KLRB1: variants seen among roughly 807,000 people sequenced by gnomAD.
KLRB1 encodes killer cell lectin like receptor B1.
In KLRB1, 27 loss-of-function variants were observed where a neutral mutation model predicts 33.5. That is an observed-to-expected ratio of 0.81 (90% CI 0.59 to 1.11). The LOEUF (loss-of-function observed/expected upper bound fraction) is 1.11. Among genes scored for constraint, KLRB1 ranks in the 50% most tolerant of loss-of-function variants. The probability of loss-of-function intolerance (pLI) is 0.00; values close to 1 mark genes in which losing one functional copy is unlikely to be tolerated. For synonymous variants in KLRB1, 64 were observed against 88.9 expected, an observed-to-expected ratio of 0.72 and a Z score of 1.58; for missense variants, 241 against 254.1, an observed-to-expected ratio of 0.95 and a Z score of 0.35.
rs1864483120 is a variant in KLRB1 at position 9,595,337 on chromosome 12, T to A, written c.615A>T (p.Glu205Asp). Residue 205 changes from glutamate (E) to aspartate (D), a missense_variant, in exon 6 of 6, where the codon GAA becomes GAT. Physicochemically the swap from Glu to Asp is conservative, Grantham distance 45. Coordinates refer to ENST00000229402, the MANE Select transcript of KLRB1 (RefSeq NM_002258.3). ...GTTCTTTTTGGCAGATCCATCTGAT[T>A]TCTGTACTACAGTACTCAGAATACA... Reference protein sequence around the residue: ...TSVYSEYCSTEIRWICQKELT... With the variant: ...TSVYSEYCSTDIRWICQKELT... The A allele has an allele frequency of 6.2e-7, 1 of 1,613,226 alleles. No homozygotes were observed. Among genetic ancestry groups the A allele is most frequent in the Admixed American group, 1.7e-5 (1 of 59,988 alleles).
chr12:9,607,266 C>CTTTTTTT (rs71045273), intron 1 of KLRB1, among the ~76,000 whole-genome samples: 2 of 127,072 alleles, frequency 1.6e-5, no homozygotes, highest in African/African-American at 5.7e-5. Flanking sequence ...TTCTTTCTTT[C>CTTTTTTT]CTTTCCTTTC....
rs757628844 is a variant in KLRB1 at position 9,595,259 on chromosome 12, A to T, written c.*15T>A. 15 of 1,611,050 alleles carry T rather than the reference A, an allele frequency of 9.3e-6. No individual in the cohort carries two copies. The highest frequency in any genetic ancestry group is 1.3e-5 in the African/African-American group (1 of 74,824). ...TCAGTAATGGGAAGCAAATAAATTG[A>T]GATGGGATTCATAGTCAAGAGTCAG... On this transcript the variant is annotated 3_prime_UTR_variant, in exon 6 of 6. Coordinates refer to ENST00000229402, the MANE Select transcript of KLRB1 (RefSeq NM_002258.3).
chr12:9,603,926 G>A (rs778664430), intron 1 of KLRB1, among the ~76,000 whole-genome samples: 3 of 152,014 alleles, frequency 2.0e-5, no homozygotes, highest in Non-Finnish European at 2.9e-5. Context: ...ATTTTGGAGA[G>A]GATTATATGA....
chr12:9,605,863 C>T (rs762602264), intron 1 of KLRB1, among the ~76,000 whole-genome samples: 2 of 152,044 alleles, frequency 1.3e-5, no homozygotes, highest in East Asian at 3.9e-4. Context: ...TATTACAATC[C>T]AAGTAGAAAA....
At position 9,607,309 on chromosome 12, in the gene KLRB1, CTT is replaced by C. The variant is rs71045275; in HGVS notation, c.85+444_85+445del. Among the ~76,000 whole-genome samples the C allele has an allele frequency of 6.5e-4, 77 of 117,560 alleles. 7 individuals are homozygous for C. Among genetic ancestry groups the C allele is most frequent in the African/African-American group, 2.1e-3 (69 of 32,970 alleles). The allele number at this position is 117,560 out of a possible 152,430, so 77.1% of individuals were successfully genotyped here. A position where few individuals can be genotyped will look rare whatever the true frequency, so the allele number is the denominator to read the frequency against. On this transcript the variant is annotated intron_variant, in intron 1 of 5. Transcript: ENST00000229402. ...TTCTTTTTCTTTCTCTCCTTTCTTT[CTT>C]TCTTCTTTTCTTTCTCTTTCTTTCC...
At chr12:9,597,913 G>A in intron 5 of KLRB1, 133 bp downstream of exon 5, 1 of 566,546 alleles carries the variant, frequency 1.8e-6, no homozygotes, top group Non-Finnish European at 3.1e-6. Context: ...AATCATCCAT[G>A]TTCTTAGCCT....
chr12:9,607,373 T>TTTCTTTC, intron 1 of KLRB1, among the ~76,000 whole-genome samples: 1 of 95,058 alleles, frequency 1.1e-5, no homozygotes, highest in African/African-American at 3.3e-5. Context: ...TCTTTCTTTC[T>TTTCTTTC]TTCTTTCTTT....
chr12:9,599,021 A>T (rs1283655993), intron 3 of KLRB1, among the ~76,000 whole-genome samples: 1 of 152,246 alleles, frequency 6.6e-6, no homozygotes, highest in Non-Finnish European at 1.5e-5. Flanking sequence ...CCTTAAATTC[A>T]TCACCAGTGC....
At chr12:9,606,263 T>A (rs1254577051) in intron 1 of KLRB1, 2 of 152,168 alleles carry the variant, frequency 1.3e-5, no homozygotes, top group African/African-American at 2.4e-5. Flanking sequence ...GATAGTAAAT[T>A]CAGTTAGATA....
chr12:9,606,869 A>C (rs4763675), intron 1 of KLRB1, among the ~76,000 whole-genome samples: 50,378 of 147,972 alleles, frequency 0.34, 10,208 homozygotes, highest in East Asian at 0.53. Flanking sequence ...CAATCCTCTC[A>C]CCTCAGCCTC....
chr12:9,603,879 T>A (rs1488222753), intron 1 of KLRB1, among the ~76,000 whole-genome samples: 1 of 152,180 alleles, frequency 6.6e-6, no homozygotes, highest in East Asian at 1.9e-4. Flanking sequence ...ACAGATTTCC[T>A]CATCTGTGAA....
chr12:9,607,309 CTTTCTTCTTTTCTT>C (rs1864618766), intron 1 of KLRB1, among the ~76,000 whole-genome samples: 1 of 117,482 alleles, frequency 8.5e-6, no homozygotes, highest in African/African-American at 3.0e-5. Flanking sequence ...TCCTTTCTTT[CTTTCTTCTTTTCTT>C]TCTCTTTCTT....
rs1353413853 is a variant in KLRB1 at position 9,599,801 on chromosome 12, A to G, written c.225T>C (p.Ser75=). ...TATTCCTGCTCTGTTGAATGTCCACACTGCATTTTTCTATTGATGATTTCT... is the reference window on the plus strand; with the variant it reads ...TATTCCTGCTCTGTTGAATGTCCACGCTGCATTTTTCTATTGATGATTTCT... The part of the protein sequence containing the change: ...LIQKSSIEKC[S]VDIQQSRNKT... Residue 75 remains serine, a synonymous_variant, in exon 3 of 6, where the codon AGT becomes AGC. Coordinates refer to ENST00000229402, the MANE Select transcript of KLRB1 (RefSeq NM_002258.3). 1.2e-6 allele frequency: 2 copies of G among 1,606,446 alleles called. No homozygotes were observed. The highest frequency in any genetic ancestry group is 4.5e-5 in the East Asian group (2 of 44,782).
chr12:9,604,039 G>A (rs951309472), intron 1 of KLRB1, among the ~76,000 whole-genome samples: 1 of 151,330 alleles, frequency 6.6e-6, no homozygotes, highest in African/African-American at 2.4e-5. Context: ...TTAACTATAG[G>A]TAAAAGGCAA....
At chr12:9,596,351 T>G (rs1242944729) in intron 5 of KLRB1, among the ~76,000 whole-genome samples, 1 of 152,212 alleles carries the variant, frequency 6.6e-6, no homozygotes, top group Non-Finnish European at 1.5e-5. Flanking sequence ...TAATTGTTTC[T>G]TCAATTATCA....
At chr12:9,606,025 G>A (rs922775051) in intron 1 of KLRB1, among the ~76,000 whole-genome samples, 5 of 151,754 alleles carry the variant, frequency 3.3e-5, no homozygotes, top group Admixed American at 2.6e-4. Flanking sequence ...AAAAAAAAAT[G>A]TTACTCAACC....
At chr12:9,607,266 C>CTTTTT (rs71045273) in intron 1 of KLRB1, among the ~76,000 whole-genome samples, 2 of 127,068 alleles carry the variant, frequency 1.6e-5, no homozygotes, top group Non-Finnish European at 1.7e-5. Context: ...TTCTTTCTTT[C>CTTTTT]CTTTCCTTTC....
chr12:9,607,332 TTTC>T (rs1864620977), intron 1 of KLRB1, among the ~76,000 whole-genome samples: 5 of 58,622 alleles, frequency 8.5e-5, no homozygotes, highest in African/African-American at 2.3e-4. Context: ...TTTCTCTTTC[TTTC>T]CTTTCTTTCT....
chr12:9,596,614 T>C (rs1333460445), intron 5 of KLRB1, among the ~76,000 whole-genome samples: 1 of 152,222 alleles, frequency 6.6e-6, no homozygotes, highest in Non-Finnish European at 1.5e-5. Context: ...TGATCACTAT[T>C]ATCTTAAAGC....
Sources: gnomAD v4.1 joint callset for allele counts (sites outside exome capture counted in the v4.1 genomes callset) on GRCh38, gnomAD v4.1.1 for gene constraint, MANE v1.5 for transcripts, NCBI Gene and HGNC (gene_info 2026-07-23, HGNC 2026-07-21) for gene names.